MAN1A1: variants seen among roughly 807,000 people sequenced by gnomAD.
MAN1A1 encodes the protein mannosidase alpha class 1A member 1, also known as mannosyl-oligosaccharide 1,2-alpha-mannosidase IA.
MAN1A1 carries 29 observed loss-of-function variants against 70.8 expected under a neutral mutation model. The ratio of observed to expected loss-of-function variants is 0.41; its 90% confidence interval spans 0.31 to 0.56. The LOEUF (loss-of-function observed/expected upper bound fraction) is 0.56. Ranked by LOEUF, MAN1A1 falls within the 20% of genes least tolerant of loss-of-function variation. The probability of loss-of-function intolerance (pLI) is 0.29; values close to 1 mark genes in which losing one functional copy is unlikely to be tolerated. For missense variants in MAN1A1, 747 were observed against 841.3 expected, an observed-to-expected ratio of 0.89 and a Z score of 1.39; for synonymous variants, 349 against 330.1, an observed-to-expected ratio of 1.06 and a Z score of -0.62.
Position 119,264,556 on chromosome 6 carries a change from C to T in MAN1A1, c.898-16202G>A, listed in dbSNP as rs534276406. 1.2e-3 allele frequency among the ~76,000 whole-genome samples: 183 copies of T among 152,232 alleles called. 1 individual carries two copies. Among genetic ancestry groups the T allele is most frequent in the African/African-American group, 4.2e-3 (176 of 41,550 alleles). On this transcript the variant is annotated intron_variant, in intron 5 of 12. Coordinates refer to ENST00000368468, the MANE Select transcript of MAN1A1 (RefSeq NM_005907.4). ...AATTCCTGAACAAATGGCATGCCAT[C>T]ACTGCATAATTTTGTTTTTTATGTG...
At chr6:119,180,456 T>A (rs780318353) in intron 11 of MAN1A1, 29 bp from the exon 12 acceptor site, 16 of 1,144,188 alleles carry the variant, frequency 1.4e-5, no homozygotes, top group Non-Finnish European at 1.9e-5. Context: ...AAAAAAAAAG[T>A]CACATTTCAG....
intron 5 of MAN1A1, among the ~76,000 whole-genome samples, chr6:119,283,756 T>C (rs1231815969): frequency 6.6e-6 from 1 of 152,084 alleles, no homozygotes; most frequent in African/African-American, 2.4e-5. Flanking sequence ...AGGACTGTTA[T>C]GAAGGAAACC....
Position 119,348,509 on chromosome 6 carries a change from T to TC in MAN1A1, c.556dup (p.Glu186GlyfsTer24). 1 of 1,610,602 alleles carries TC rather than the reference T, an allele frequency of 6.2e-7. No individual in the cohort carries two copies. Among genetic ancestry groups the TC allele is most frequent in the Non-Finnish European group, 8.5e-7 (1 of 1,178,354 alleles). ...CTCGCGGATGGCGGCGTCGGCGGGC[T>TC]CCCGGCTCTCCACCCCGATTGGGGG... On this transcript the variant is annotated frameshift_variant, in exon 2 of 13. Coordinates refer to ENST00000368468, the MANE Select transcript of MAN1A1 (RefSeq NM_005907.4). LOFTEE classifies it high-confidence loss of function.
intron 9 of MAN1A1, among the ~76,000 whole-genome samples, chr6:119,193,233 G>T (rs187564096): frequency 6.6e-6 from 1 of 152,186 alleles, no homozygotes; most frequent in Non-Finnish European, 1.5e-5. Flanking sequence ...TTAGCACATG[G>T]TAGGCAATTC....
In MAN1A1 at chr6:119,349,085, T is replaced by C. The variant is rs1773828369; in HGVS notation, c.-20A>G. 2 of 1,282,806 alleles carry C rather than the reference T, an allele frequency of 1.6e-6. No individual in the cohort carries two copies. The highest frequency in any genetic ancestry group is 2.0e-6 in the Non-Finnish European group (2 of 1,014,532). 79.5% of individuals were successfully genotyped at this position (1,282,806 alleles called of 1,614,324 possible). On this transcript the variant is annotated 5_prime_UTR_variant, in exon 2 of 13. Coordinates refer to ENST00000368468, the MANE Select transcript of MAN1A1 (RefSeq NM_005907.4). ...GGGCATCGCTCCCGCTGTCCAGTGG[T>C]CCGGCGCCGCGCCGCTCAGCAGCCA...
intron 3 of MAN1A1, among the ~76,000 whole-genome samples, chr6:119,303,389 T>C (rs1245533519): frequency 6.6e-6 from 1 of 152,192 alleles, no homozygotes; most frequent in Non-Finnish European, 1.5e-5. Flanking sequence ...ATTGTGACAA[T>C]GATGCCCAAT....
rs146335317 is a variant in MAN1A1 at position 119,185,923 on chromosome 6, C to T, written c.1719+2482G>A. On this transcript the variant is annotated intron_variant, in intron 11 of 12. Coordinates refer to ENST00000368468, the MANE Select transcript of MAN1A1 (RefSeq NM_005907.4). ...CATAAGCTGTGAAAAAATCACACTG[C>T]GAAGAGAGAAGAGAGGTTCACACTA... is the stretch of plus-strand genomic sequence containing the variant. Among the ~76,000 whole-genome samples, 306 of 149,390 alleles carry T rather than the reference C, an allele frequency of 2.0e-3. 1 individual carries two copies. Among genetic ancestry groups the T allele is most frequent in the South Asian group, 7.7e-3 (36 of 4,700 alleles).
intron 6 of MAN1A1, chr6:119,210,802 G>A (rs1774028872): frequency 6.2e-6 from 2 of 324,508 alleles, no homozygotes; most frequent in African/African-American, 2.2e-5. Flanking sequence ...TAATGAGGAA[G>A]GACTTGGGAA....
intron 2 of MAN1A1, among the ~76,000 whole-genome samples, chr6:119,341,332 T>C (rs1259093391): frequency 6.6e-6 from 1 of 152,146 alleles, no homozygotes; most frequent in Non-Finnish European, 1.5e-5. Context: ...TTCTGGCAGT[T>C]GGCCTGCCAT....
chr6:119,252,368 G>A (rs1217424401), intron 5 of MAN1A1, among the ~76,000 whole-genome samples: 2 of 152,172 alleles, frequency 1.3e-5, no homozygotes, highest in East Asian at 3.8e-4. Flanking sequence ...AAGGATGTTA[G>A]ACAAAAAGCA....
At chr6:119,302,912 G>A (rs1010635612) in intron 3 of MAN1A1, among the ~76,000 whole-genome samples, 3 of 152,198 alleles carry the variant, frequency 2.0e-5, no homozygotes, top group Non-Finnish European at 4.4e-5. Flanking sequence ...CCTGACCTCT[G>A]TGGTTTATTT....
At chr6:119,215,848 C>T (rs760390753) in intron 6 of MAN1A1, among the ~76,000 whole-genome samples, 3 of 152,186 alleles carry the variant, frequency 2.0e-5, no homozygotes, top group Middle Eastern at 3.4e-3. Flanking sequence ...TAATGTGTGA[C>T]GTGCAAAATA....
chr6:119,310,823 C>T (rs939938632), intron 2 of MAN1A1, among the ~76,000 whole-genome samples: 2 of 152,128 alleles, frequency 1.3e-5, no homozygotes, highest in African/African-American at 2.4e-5. Context: ...TGTGTTAGGC[C>T]TGTACAGCAG....
At chr6:119,181,623 T>G (rs1042536790) in intron 11 of MAN1A1, among the ~76,000 whole-genome samples, 1 of 152,206 alleles carries the variant, frequency 6.6e-6, no homozygotes. Context: ...TAAACCAACC[T>G]GCCTTCCACT....
At chr6:119,345,988 C>A (rs1286001035) in intron 2 of MAN1A1, among the ~76,000 whole-genome samples, 1 of 152,144 alleles carries the variant, frequency 6.6e-6, no homozygotes, top group Non-Finnish European at 1.5e-5. Context: ...TGCCTGTAAT[C>A]CCAGCTACTT....
intron 4 of MAN1A1, among the ~76,000 whole-genome samples, chr6:119,291,255 G>A (rs759482413): frequency 2.0e-5 from 3 of 151,994 alleles, no homozygotes; most frequent in South Asian, 2.1e-4. Context: ...TGCCATCCAT[G>A]TAAGTTATGA....
At chr6:119,343,471 A>G (rs1773648273) in intron 2 of MAN1A1, among the ~76,000 whole-genome samples, 1 of 152,108 alleles carries the variant, frequency 6.6e-6, no homozygotes. Flanking sequence ...CGGAGCATAC[A>G]CTTAGTTTTA....
chr6:119,233,718 G>C (rs1774753943), intron 6 of MAN1A1, among the ~76,000 whole-genome samples: 1 of 152,118 alleles, frequency 6.6e-6, no homozygotes, highest in Non-Finnish European at 1.5e-5. Context: ...CCATCCCTTG[G>C]TGCTTCTGTG....
chr6:119,321,693 C>A (rs1773010534), intron 2 of MAN1A1, among the ~76,000 whole-genome samples: 2 of 151,040 alleles, frequency 1.3e-5, no homozygotes, highest in Non-Finnish European at 2.9e-5. Flanking sequence ...TCTCAGCTCA[C>A]CGCAGCCTCA....
Sources: gnomAD v4.1 joint callset for allele counts (sites outside exome capture counted in the v4.1 genomes callset) on GRCh38, gnomAD v4.1.1 for gene constraint, MANE v1.5 for transcripts, NCBI Gene and HGNC (gene_info 2026-07-23, HGNC 2026-07-21) for gene names.